Variants in CAPN5 observed in about 807,000 individuals in gnomAD.
CAPN5 encodes calpain 5.
CAPN5 carries 54 observed loss-of-function variants against 73.0 expected under a neutral mutation model. The ratio of observed to expected loss-of-function variants is 0.74; its 90% confidence interval spans 0.59 to 0.93. The LOEUF (loss-of-function observed/expected upper bound fraction) is 0.93, where lower values mean the gene tolerates loss of function less well. Among genes scored for constraint, CAPN5 ranks in the 40% least tolerant of loss-of-function variants. The probability of loss-of-function intolerance (pLI) is 0.00; values close to 1 mark genes in which losing one functional copy is unlikely to be tolerated. For synonymous variants in CAPN5, 335 were observed against 356.9 expected (o/e 0.94, Z 0.69); for missense variants, 785 against 882.9 (o/e 0.89, Z 1.41).
At chr11:77,096,750 G>C (rs1950212951) in intron 3 of CAPN5, among the ~76,000 whole-genome samples, 1 of 152,262 alleles carries the variant, frequency 6.6e-6, no homozygotes, top group Non-Finnish European at 1.5e-5. Context: ...GGGCAGACCT[G>C]ATGCCTGCTC....
At chr11:77,069,042 A>G (rs1183276824) in intron 1 of CAPN5, among the ~76,000 whole-genome samples, 1 of 152,118 alleles carries the variant, frequency 6.6e-6, no homozygotes, top group Non-Finnish European at 1.5e-5. Context: ...CTGGTCCCCA[A>G]ACAGGAGGCC....
At chr11:77,086,519 T>C (rs113433645) in intron 2 of CAPN5, among the ~76,000 whole-genome samples, 14 of 152,336 alleles carry the variant, frequency 9.2e-5, no homozygotes, top group African/African-American at 2.6e-4. Context: ...TCTCTGGCCC[T>C]GTACTGACTC....
chr11:77,103,739 CAG>C (rs146446644), intron 3 of CAPN5, among the ~76,000 whole-genome samples: 2,668 of 152,328 alleles, frequency 0.018, 81 homozygotes, highest in African/African-American at 0.061. Context: ...GTCAGGGAGA[CAG>C]AGATGATGGG....
At position 77,112,642 on chromosome 11, in the gene CAPN5, C is replaced by A. The variant is rs746258458; in HGVS notation, c.351C>A (p.Tyr117Ter). ...QEWDPEKPNAYAGIFHFHFWR... is the reference protein window; with the variant it reads ...QEWDPEKPNA The stretch of plus-strand genomic sequence containing the variant: ...GGGACCCCGAAAAGCCCAACGCCTA[C>A]GCGGGCATCTTCCACTTCCACTTCT... The change falls in exon 4 of 13, where the codon TAC becomes TAA. Residue 117 changes from tyrosine to a stop codon, truncating the protein, a stop_gained. Coordinates refer to ENST00000648180, the MANE Select transcript of CAPN5 (RefSeq NM_004055.5). LOFTEE classifies it high-confidence loss of function. 13 of 1,614,084 alleles carry A rather than the reference C, an allele frequency of 8.1e-6. No homozygotes were observed. Among genetic ancestry groups the A allele is most frequent in the African/African-American group, 1.3e-5 (1 of 74,920 alleles).
chr11:77,109,419 T>G lies in CAPN5; in HGVS notation c.298-3170T>G, dbSNP rs374155873. On this transcript the variant is annotated intron_variant, in intron 3 of 12. Transcript: ENST00000648180. ...GAGTTGATTCCCTACCCACCTCCGA[T>G]AGTGACTAATTGTTTTTGTAAGTAT... Among the ~76,000 whole-genome samples the G allele has an allele frequency of 1.5e-4, 23 of 152,332 alleles. No individual in the cohort carries two copies. The East Asian group carries it at 2.5e-3, about 17-fold the overall frequency.
intron 6 of CAPN5, among the ~76,000 whole-genome samples, chr11:77,115,807 C>T (rs782146904): frequency 5.3e-5 from 8 of 152,046 alleles, no homozygotes; most frequent in Non-Finnish European, 1.0e-4. Flanking sequence ...GGTGTAGAGA[C>T]CAGCTTGGTG....
In CAPN5 at chr11:77,112,494, T is replaced by G. The variant is rs945429900; in HGVS notation, c.298-95T>G. ...AATCCGAACCCAGTATTCCTTTACA[T>G]TCCGATTCGCTGGAAGCACACGCCC... On this transcript the variant is annotated intron_variant, in intron 3 of 12. Coordinates refer to ENST00000648180, the MANE Select transcript of CAPN5 (RefSeq NM_004055.5). 38 of 964,762 alleles carry G rather than the reference T, an allele frequency of 3.9e-5. No individual in the cohort carries two copies. The African/African-American group carries it at 5.8e-4, about 15-fold the overall frequency. The allele number at this position is 964,762 out of a possible 1,614,324, so 59.8% of individuals were successfully genotyped here.
chr11:77,093,562 C>T lies in CAPN5; in HGVS notation c.166-120C>T, dbSNP rs972638558. On this transcript the variant is annotated intron_variant, in intron 2 of 12. Coordinates refer to ENST00000648180, the MANE Select transcript of CAPN5 (RefSeq NM_004055.5). Reference sequence around the variant, plus strand: ...CTGTGGTGGGAGGCAGGTGAATCACCATGCTGATGATCACACAGCAAGTCT... The same window carrying T: ...CTGTGGTGGGAGGCAGGTGAATCACTATGCTGATGATCACACAGCAAGTCT... The T allele has an allele frequency of 1.8e-5, 26 of 1,417,560 alleles. No individual in the cohort carries two copies. The Admixed American group carries it at 2.6e-4, about 14-fold the overall frequency. 87.8% of individuals were successfully genotyped at this position (1,417,560 alleles called of 1,614,324 possible).
In CAPN5 at chr11:77,125,563, G is replaced by C. The variant is rs1474094047; in HGVS notation, c.*1693G>C. ...CAGCACTGTTACTACCGAGTGCTGA[G>C]TAAGGGCAAAATAATACCCCTTTCT... On this transcript the variant is annotated 3_prime_UTR_variant, in exon 13 of 13. Coordinates refer to ENST00000648180, the MANE Select transcript of CAPN5 (RefSeq NM_004055.5). 1.3e-5 allele frequency: 2 copies of C among 151,716 alleles called. No individual in the cohort carries two copies. Among genetic ancestry groups the C allele is most frequent in the East Asian group, 3.9e-4 (2 of 5,174 alleles). The allele number at this position is 151,716 out of a possible 1,614,324, so 9.4% of individuals were successfully genotyped here.
In CAPN5 at chr11:77,067,026, C is replaced by T. The variant is rs1949848386; in HGVS notation, c.-104C>T. The T allele has an allele frequency of 6.6e-6, 1 of 152,108 alleles. No homozygotes were observed. Among genetic ancestry groups the T allele is most frequent in the Non-Finnish European group, 1.5e-5 (1 of 68,016 alleles). The allele number at this position is 152,108 out of a possible 1,614,324, so 9.4% of individuals were successfully genotyped here. ...AGGCTGCTGCGCCGGGCGGCTGCAG[C>T]CTCCGCTCCAGCGCCCGCGCCGTGC... On this transcript the variant is annotated 5_prime_UTR_variant, in exon 1 of 13. Coordinates refer to ENST00000648180, the MANE Select transcript of CAPN5 (RefSeq NM_004055.5).
intron 12 of CAPN5, 91 bp from the exon 13 acceptor site, chr11:77,123,597 G>A (rs970812429): frequency 1.8e-6 from 2 of 1,110,372 alleles, no homozygotes; most frequent in African/African-American, 1.6e-5. Context: ...GCACTTCAAG[G>A]CCCTGCCACC....
chr11:77,112,457 T>C (rs1950420719), intron 3 of CAPN5, 132 bp from the exon 4 acceptor site: 2 of 699,550 alleles, frequency 2.9e-6, no homozygotes, highest in South Asian at 3.5e-5. Flanking sequence ...CGAAGGCTTG[T>C]GGCAGAGTTG....
intron 4 of CAPN5, 48 bp downstream of exon 4, chr11:77,112,845 G>A: frequency 6.5e-7 from 1 of 1,541,768 alleles, no homozygotes; most frequent in Non-Finnish European, 9.0e-7. Flanking sequence ...GACGGGGGTG[G>A]CACCGGATGG....
At chr11:77,073,189 G>T in intron 1 of CAPN5, 2 of 1,056,370 alleles carry the variant, frequency 1.9e-6, no homozygotes, top group Non-Finnish European at 2.6e-6. Flanking sequence ...TCCTGGATGT[G>T]GTTCTTTCAG....
At position 77,114,308 on chromosome 11, in the gene CAPN5, TG is replaced by T. The variant is rs1950444591; in HGVS notation, c.575del (p.Gly192ValfsTer8). ...CAGACGCACTGGTGGACTTCACGGG[TG>T]GTGTTTCTGAGCCCATCGACCTGAC... Reference protein sequence around the residue: ...TADALVDFTGGVSEPIDLTEG... With the variant: ...TADALVDFTGXVSEPIDLTEG... On this transcript the variant is annotated frameshift_variant, in exon 5 of 13. Transcript: ENST00000648180. LOFTEE classifies it high-confidence loss of function. 2 of 1,613,940 alleles carry T rather than the reference TG, an allele frequency of 1.2e-6. No individual in the cohort carries two copies. Among genetic ancestry groups the T allele is most frequent in the Admixed American group, 1.7e-5 (1 of 59,992 alleles).
chr11:77,106,528 C>T (rs549727538), intron 3 of CAPN5, among the ~76,000 whole-genome samples: 29 of 152,178 alleles, frequency 1.9e-4, no homozygotes, highest in Non-Finnish European at 3.4e-4. Context: ...TAGCCAGCCC[C>T]GCCCTGCCAG....
intron 1 of CAPN5, among the ~76,000 whole-genome samples, chr11:77,077,306 G>A (rs1304172563): frequency 6.6e-6 from 1 of 152,078 alleles, no homozygotes; most frequent in South Asian, 2.1e-4. Flanking sequence ...GCAGTGAGCC[G>A]AGATCATGCC....
At position 77,121,015 on chromosome 11, in the gene CAPN5, C is replaced by G. The variant is rs554145198; in HGVS notation, c.1487+106C>G. 25 of 1,019,154 alleles carry G rather than the reference C, an allele frequency of 2.5e-5. No individual in the cohort carries two copies. In the Admixed American group the frequency reaches 5.3e-4, roughly 21 times the overall value. The allele number at this position is 1,019,154 out of a possible 1,614,324, so 63.1% of individuals were successfully genotyped here. A position where few individuals can be genotyped will look rare whatever the true frequency, so the allele number is the denominator to read the frequency against. ...ATGCTCAGTGTCTCTGGGCCTCCAG[C>G]CACTCTGGGCTGATACCAGTGCCCA... On this transcript the variant is annotated intron_variant, in intron 10 of 12. Transcript: ENST00000648180.
In CAPN5 at chr11:77,093,703, C is replaced by A; in HGVS notation, c.187C>A (p.Leu63Ile). Residue 63 changes from leucine (L) to isoleucine (I), a missense_variant, in exon 3 of 13, where the codon CTC (leucine) becomes ATC (isoleucine). Physicochemically the swap from Leu to Ile is conservative, Grantham distance 5. Coordinates refer to ENST00000648180, the MANE Select transcript of CAPN5 (RefSeq NM_004055.5). ...GCAGGGCATCTGCGAGGACCCCCGC[C>A]TCTTTGTGGATGGCATCAGCTCCCA... is the stretch of plus-strand genomic sequence containing the variant. The part of the protein sequence containing the change: ...RPKGICEDPR[L>I]FVDGISSHDL... The A allele has an allele frequency of 6.2e-7, 1 of 1,606,260 alleles. No individual in the cohort carries two copies. Among genetic ancestry groups the A allele is most frequent in the Non-Finnish European group, 8.5e-7 (1 of 1,178,080 alleles).
Sources: gnomAD v4.1 joint callset for allele counts (sites outside exome capture counted in the v4.1 genomes callset) on GRCh38, gnomAD v4.1.1 for gene constraint, MANE v1.5 for transcripts, NCBI Gene and HGNC (gene_info 2026-07-23, HGNC 2026-07-21) for gene names.